FIGN: variants seen among roughly 807,000 people sequenced by gnomAD.
The protein encoded by FIGN is fidgetin.
A neutral mutation model predicts 51.3 loss-of-function variants in FIGN; 11 were observed. That is an observed-to-expected ratio of 0.21 (90% CI 0.13 to 0.35). The LOEUF is 0.35. FIGN is among the 10% of genes least tolerant of loss of function. The pLI is 1.00. For missense variants in FIGN, 857 were observed against 943.6 expected (o/e 0.91, Z 1.20); for synonymous variants, 407 against 363.2 (o/e 1.12, Z -1.37).
intron 2 of FIGN, among the ~76,000 whole-genome samples, chr2:163,663,486 C>T (rs958278873): frequency 3.3e-5 from 5 of 151,720 alleles, no homozygotes; most frequent in South Asian, 4.2e-4. Flanking sequence ...AGGTGCCCAC[C>T]GCCACACCTG....
chr2:163,681,692 A>G (rs1684067549), intron 2 of FIGN, among the ~76,000 whole-genome samples: 1 of 152,234 alleles, frequency 6.6e-6, no homozygotes. Flanking sequence ...GTAAAACTTT[A>G]AGAAAGAGTG....
At chr2:163,614,920 T>A (rs1211812893) in intron 2 of FIGN, among the ~76,000 whole-genome samples, 1 of 152,158 alleles carries the variant, frequency 6.6e-6, no homozygotes, top group Non-Finnish European at 1.5e-5. Flanking sequence ...AAAATGATTT[T>A]AATAAGTTAT....
At chr2:163,631,974 C>T (rs760983952) in intron 2 of FIGN, among the ~76,000 whole-genome samples, 10 of 152,074 alleles carry the variant, frequency 6.6e-5, no homozygotes, top group African/African-American at 9.7e-5. Context: ...ACGGTGAAAC[C>T]GCGTCTCTAC....
chr2:163,610,970 T>C lies in FIGN; in HGVS notation c.862A>G (p.Thr288Ala), dbSNP rs1384985861. The C allele has an allele frequency of 6.7e-7, 1 of 1,500,974 alleles. No homozygotes were observed. The highest frequency in any genetic ancestry group is 9.0e-7 in the Non-Finnish European group (1 of 1,112,636). 93.0% of individuals were successfully genotyped at this position (1,500,974 alleles called of 1,614,324 possible). ...GIPAPTPLPP[T>A]TVPGYTYQGH... ...TGGTAGGTGTAGCCAGGAACAGTGG[T>C]GGGGGGTAGGGGGGTGGGAGCAGGA... Residue 288 changes from threonine (T) to alanine (A), a missense_variant, in exon 3 of 3, where the codon ACC (threonine) becomes GCC (alanine). Around this residue, in one of 3 missense-constraint regions of FIGN, gnomAD observed 799 missense variants for 849.5 expected, o/e 0.94. Transcript: ENST00000333129.
At chr2:163,705,907 G>A (rs1205624438) in intron 2 of FIGN, among the ~76,000 whole-genome samples, 5 of 152,046 alleles carry the variant, frequency 3.3e-5, no homozygotes, top group Non-Finnish European at 7.4e-5. Flanking sequence ...ACAAATGACT[G>A]CATTTTTAAG....
At chr2:163,632,449 C>T (rs1346963087) in intron 2 of FIGN, among the ~76,000 whole-genome samples, 1 of 152,152 alleles carries the variant, frequency 6.6e-6, no homozygotes, top group Non-Finnish European at 1.5e-5. Context: ...TCTGCTATCC[C>T]CCGACTTTCA....
chr2:163,729,660 A>G (rs1559035338), intron 2 of FIGN, among the ~76,000 whole-genome samples: 1 of 152,208 alleles, frequency 6.6e-6, no homozygotes, highest in South Asian at 2.1e-4. Context: ...GGGCCTTCAT[A>G]TAATAAATCA....
At chr2:163,632,569 C>T (rs541075674) in intron 2 of FIGN, among the ~76,000 whole-genome samples, 1 of 152,154 alleles carries the variant, frequency 6.6e-6, no homozygotes, top group African/African-American at 2.4e-5. Context: ...TGGAAGTAGC[C>T]TCAGGGTTAT....
In FIGN at chr2:163,611,602, C is replaced by G. The variant is rs1196985033; in HGVS notation, c.230G>C (p.Gly77Ala). ...TCGGTCCACAGGACCTTCCAAAATG[C>G]CGGAATACTTCTCTGCATATTTTTT... ...LLKKYAEKYSGILEGPVDRPV... is the reference protein window; with the variant it reads ...LLKKYAEKYSAILEGPVDRPV... Residue 77 changes from glycine (G) to alanine (A), a missense_variant, in exon 3 of 3, where the codon GGC becomes GCC. Physicochemically the swap from Gly to Ala is moderately conservative, Grantham distance 60. Transcript: ENST00000333129. 2.5e-6 allele frequency: 4 copies of G among 1,614,210 alleles called. No individual in the cohort carries two copies. Among genetic ancestry groups the G allele is most frequent in the Non-Finnish European group, 1.7e-6 (2 of 1,180,036 alleles).
intron 2 of FIGN, among the ~76,000 whole-genome samples, chr2:163,704,743 G>A (rs1381959479): frequency 6.7e-6 from 1 of 149,416 alleles, no homozygotes. Context: ...TTAGTAAGAA[G>A]TTCCTAAGAC....
chr2:163,714,083 C>T (rs769895254), intron 2 of FIGN, among the ~76,000 whole-genome samples: 1 of 152,182 alleles, frequency 6.6e-6, no homozygotes, highest in Non-Finnish European at 1.5e-5. Flanking sequence ...ATCTCAAGCT[C>T]CATTTTCCAA....
At chr2:163,642,248 T>C (rs554275549) in intron 2 of FIGN, among the ~76,000 whole-genome samples, 1 of 152,352 alleles carries the variant, frequency 6.6e-6, no homozygotes, top group Admixed American at 6.5e-5. Flanking sequence ...CCTAGGCTGA[T>C]GCTAACCACT....
intron 2 of FIGN, among the ~76,000 whole-genome samples, chr2:163,643,263 G>C (rs764460049): frequency 1.3e-5 from 2 of 152,128 alleles, no homozygotes; most frequent in Non-Finnish European, 2.9e-5. Context: ...AGAACATGAA[G>C]ACTTCAATCG....
chr2:163,713,618 A>G (rs1684622241), intron 2 of FIGN, among the ~76,000 whole-genome samples: 1 of 152,122 alleles, frequency 6.6e-6, no homozygotes, highest in Non-Finnish European at 1.5e-5. Context: ...ATGATGTACC[A>G]TTTTCTTCTC....
chr2:163,734,806 C>T, intron 2 of FIGN, 97 bp downstream of exon 2: 2 of 1,088,000 alleles, frequency 1.8e-6, no homozygotes. Context: ...ATATCATGAG[C>T]AACTGCTTGC....
chr2:163,631,155 T>G (rs2105310832), intron 2 of FIGN, among the ~76,000 whole-genome samples: 1 of 152,322 alleles, frequency 6.6e-6, no homozygotes, highest in African/African-American at 2.4e-5. Context: ...TTACAACATT[T>G]GAATCCCTGC....
intron 2 of FIGN, among the ~76,000 whole-genome samples, chr2:163,643,448 T>C (rs1683333759): frequency 6.6e-6 from 1 of 152,020 alleles, no homozygotes; most frequent in African/African-American, 2.4e-5. Flanking sequence ...GTCAGGAGTT[T>C]GAGACTAGCC....
At position 163,607,353 on chromosome 2, in the gene FIGN, C is replaced by T. The variant is rs956009394; in HGVS notation, c.*2199G>A. The stretch of plus-strand genomic sequence containing the variant: ...TTTTTTGTATCCTTAATGAAAGGCA[C>T]TGCTTTTTAATATGGAATATTTATA... On this transcript the variant is annotated 3_prime_UTR_variant, in exon 3 of 3. Transcript: ENST00000333129. 4 of 152,138 alleles carry T rather than the reference C, an allele frequency of 2.6e-5. No individual in the cohort carries two copies. Among genetic ancestry groups the T allele is most frequent in the African/African-American group, 7.2e-5 (3 of 41,420 alleles). The allele number at this position is 152,138 out of a possible 1,614,324, so 9.4% of individuals were successfully genotyped here. A position where few individuals can be genotyped will look rare whatever the true frequency, so the allele number is the denominator to read the frequency against.
At chr2:163,719,127 A>G (rs988591610) in intron 2 of FIGN, among the ~76,000 whole-genome samples, 1 of 152,182 alleles carries the variant, frequency 6.6e-6, no homozygotes, top group Non-Finnish European at 1.5e-5. Flanking sequence ...GCCACTAGTC[A>G]TTGTAATATG....
Sources: gnomAD v4.1 joint callset for allele counts (sites outside exome capture counted in the v4.1 genomes callset) on GRCh38, gnomAD v4.1.1 for gene constraint, gnomAD v4.1.1 regional missense constraint, MANE v1.5 for transcripts, NCBI Gene and HGNC (gene_info 2026-07-23, HGNC 2026-07-21) for gene names.